The following HK1 variants were observed in gnomAD, a reference collection of about 807,000 sequenced individuals.
The protein encoded by HK1 is hexokinase-1.
A neutral mutation model predicts 91.6 loss-of-function variants in HK1; 28 were observed. That is an observed-to-expected ratio of 0.31 (90% confidence interval 0.23 to 0.42). The LOEUF is 0.42. HK1 is among the 10% of genes least tolerant of loss of function. The pLI, the probability that HK1 is intolerant of heterozygous loss-of-function variation, is 1.00. For missense variants in HK1, 770 were observed against 1,219.8 expected (o/e 0.63, Z 5.49); for synonymous variants, 430 against 468.1 (o/e 0.92, Z 1.05).
chr10:69,313,337 C>T (rs910229560), upstream of HK1, among the ~76,000 whole-genome samples: 3 of 152,106 alleles, frequency 2.0e-5, no homozygotes, highest in South Asian at 2.1e-4. Flanking sequence ...CCAGCATATG[C>T]GGGGAAGGCG....
intron 1 of HK1, 76 bp from the exon 2 acceptor site, chr10:69,343,751 T>C: frequency 8.9e-7 from 1 of 1,127,710 alleles, no homozygotes. Context: ...GAGCTGGCTA[T>C]CTCAGCGGGT....
Position 69,369,480 on chromosome 10 carries a change from A to G in HK1, c.731A>G (p.His244Arg). 6.2e-7 allele frequency: 1 copy of G among 1,614,244 alleles called. No individual in the cohort carries two copies. Among genetic ancestry groups the G allele is most frequent in the Non-Finnish European group, 8.5e-7 (1 of 1,180,048 alleles). The change falls in exon 7 of 18, where the codon CAC becomes CGC. Residue 244 changes from histidine to arginine, a missense_variant. Physicochemically the swap from His to Arg is conservative, Grantham distance 29. Coordinates refer to ENST00000359426, the MANE Select transcript of HK1 (RefSeq NM_000188.3). The surrounding 1 kb of genome is among the most constrained non-coding windows in gnomAD (Gnocchi z 4.4). Reference protein sequence around the residue: ...TNACYMEELRHIDLVEGDEGR... With the variant: ...TNACYMEELRRIDLVEGDEGR... ...GCTTGCTACATGGAGGAACTGAGGC[A>G]CATTGATCTGGTGGAAGGAGACGAG...
intron 2 of HK1, among the ~76,000 whole-genome samples, chr10:69,349,821 G>C (rs1848757181): frequency 6.6e-6 from 1 of 152,166 alleles, no homozygotes; most frequent in Non-Finnish European, 1.5e-5. Flanking sequence ...AAAGAATATT[G>C]AACTAACCTG....
At chr10:69,278,911 G>A (rs1844598159) in intron 1 of HK1, 1 of 152,218 alleles carries the variant, frequency 6.6e-6, no homozygotes, top group Non-Finnish European at 1.5e-5. Context: ...CAGTTGAAGA[G>A]CATGTGGTTA....
At chr10:69,394,718 G>A (rs1188384927) in intron 15 of HK1, among the ~76,000 whole-genome samples, 1 of 152,226 alleles carries the variant, frequency 6.6e-6, no homozygotes, top group East Asian at 1.9e-4. Flanking sequence ...GACCAGTCTA[G>A]CAGGTAGACA....
intron 1 of HK1, among the ~76,000 whole-genome samples, chr10:69,279,729 T>C (rs1455442606): frequency 6.6e-6 from 1 of 152,160 alleles, no homozygotes; most frequent in Non-Finnish European, 1.5e-5. Flanking sequence ...GGAAACCACA[T>C]GTGAGAGGTG....
At chr10:69,287,836 A>G (rs991717885) in intron 2 of HK1, among the ~76,000 whole-genome samples, 2 of 152,172 alleles carry the variant, frequency 1.3e-5, no homozygotes, top group African/African-American at 4.8e-5. Flanking sequence ...TTATAGGGTG[A>G]GATTTTAAAA....
intron 1 of HK1, chr10:69,319,323 C>T: frequency 3.9e-6 from 2 of 515,868 alleles, no homozygotes; most frequent in South Asian, 4.2e-5. Flanking sequence ...GGCCGGTGGG[C>T]CCTTCCGCAG....
chr10:69,360,855 C>T (rs1849384001), intron 3 of HK1, among the ~76,000 whole-genome samples: 2 of 152,230 alleles, frequency 1.3e-5, no homozygotes, highest in East Asian at 1.9e-4. Flanking sequence ...CCTCCTCTCT[C>T]CTGTAGACAT....
rs879301967 is a variant in HK1, at chr10:69,294,730, C to T, written c.-114-903C>T. ...AAAAATAATTAGCCGGGTGTGGTGG[C>T]GGATGCCTGTAATCCCAACTACTCA... On this transcript the variant is annotated intron_variant, in intron 3 of 21. Coordinates refer to the HK1 transcript ENST00000360289. Among the ~76,000 whole-genome samples, 13 of 152,142 alleles carry T rather than the reference C, an allele frequency of 8.5e-5. No individual in the cohort carries two copies. In the East Asian group the frequency reaches 1.4e-3, roughly 16 times the overall value.
At chr10:69,308,689 GCTAC>G (rs1240707154) in intron 5 of HK1, among the ~76,000 whole-genome samples, 2 of 152,124 alleles carry the variant, frequency 1.3e-5, no homozygotes, top group African/African-American at 2.4e-5. Context: ...TGGGCGCCAG[GCTAC>G]CTGCCTTTAG....
At chr10:69,322,761 A>G (rs951813046) in intron 1 of HK1, among the ~76,000 whole-genome samples, 1 of 151,860 alleles carries the variant, frequency 6.6e-6, no homozygotes, top group African/African-American at 2.4e-5. Context: ...GTGGTGGCGC[A>G]TGCCTGTAAT....
intron 2 of HK1, among the ~76,000 whole-genome samples, chr10:69,355,808 C>T (rs150124227): frequency 4.0e-5 from 6 of 148,866 alleles, no homozygotes; most frequent in Non-Finnish European, 7.4e-5. Context: ...GACTTTGTCT[C>T]GAAAAAAAAA....
intron 1 of HK1, among the ~76,000 whole-genome samples, chr10:69,274,542 G>C (rs946120469): frequency 6.6e-6 from 1 of 150,444 alleles, no homozygotes; most frequent in Non-Finnish European, 1.5e-5. Context: ...AGGTTGCTGC[G>C]AGCCGAGATG....
At position 69,379,314 on chromosome 10, in the gene HK1, T is replaced by C. The variant is rs75868757; in HGVS notation, c.1032-548T>C. Among the ~76,000 whole-genome samples the C allele has an allele frequency of 7.9e-3, 1,205 of 152,362 alleles. 22 individuals are homozygous for C. The highest frequency in any genetic ancestry group is 0.027 in the African/African-American group (1,132 of 41,592). On this transcript the variant is annotated intron_variant, in intron 8 of 17. Transcript: ENST00000359426. ...TGCAAAGATAGAGTGTATGTATATG[T>C]GTTTGTGTGTATGTGTGAGTGTATA... is the stretch of plus-strand genomic sequence containing the variant.
rs370198096 is a variant in HK1 at position 69,334,026 on chromosome 10, G to A, written c.64-9801G>A. 7.9e-5 allele frequency among the ~76,000 whole-genome samples: 12 copies of A among 152,202 alleles called. No individual in the cohort carries two copies. The East Asian group carries it at 1.9e-3, about 25-fold the overall frequency. On this transcript the variant is annotated intron_variant, in intron 1 of 17. Coordinates refer to ENST00000359426, the MANE Select transcript of HK1 (RefSeq NM_000188.3). ...CTCAGGAGGTTGAGGCAGGAGAATC[G>A]CTTGAACCCGGGAGGTGGAGTTTGC...
chr10:69,294,083 G>A (rs367907990), intron 3 of HK1, among the ~76,000 whole-genome samples: 26 of 151,968 alleles, frequency 1.7e-4, no homozygotes, highest in South Asian at 8.3e-4. Flanking sequence ...GGATGGTCTC[G>A]ATCTCCTGAC....
chr10:69,378,157 C>A (rs887118827), intron 8 of HK1, among the ~76,000 whole-genome samples: 1 of 152,084 alleles, frequency 6.6e-6, no homozygotes, highest in South Asian at 2.1e-4. Context: ...GGAAGGGGAG[C>A]GGGAGACTCG....
chr10:69,359,139 C>A (rs915474582), intron 2 of HK1, among the ~76,000 whole-genome samples: 2 of 151,916 alleles, frequency 1.3e-5, no homozygotes, highest in Non-Finnish European at 2.9e-5. Flanking sequence ...CACAAAAGGA[C>A]AAATAACTGT....
Sources: allele counts gnomAD v4.1 joint callset (sites outside exome capture counted in the v4.1 genomes callset), GRCh38; gene constraint gnomAD v4.1.1; non-coding constraint Gnocchi (gnomAD v3.1); transcripts MANE v1.5; gene names NCBI Gene and HGNC (gene_info 2026-07-23, HGNC 2026-07-21).